MAGI1: variants seen among roughly 807,000 people sequenced by gnomAD.
The protein encoded by MAGI1 is membrane-associated guanylate kinase, WW and PDZ domain-containing protein 1.
In MAGI1, 58 loss-of-function variants were observed where a neutral mutation model predicts 139.9. The observed-to-expected ratio is 0.41, with a 90% confidence interval of 0.34 to 0.52. The LOEUF (loss-of-function observed/expected upper bound fraction) is 0.52. MAGI1 is among the 20% of genes least tolerant of loss of function. MAGI1 has a pLI of 0.12. For synonymous variants in MAGI1, 812 were observed against 737.9 expected (o/e 1.10, Z -1.63); for missense variants, 1,874 against 1,901.6 (o/e 0.99, Z 0.27).
chr3:65,933,371 T>C (rs2062892218), intron 1 of MAGI1, among the ~76,000 whole-genome samples: 1 of 152,210 alleles, frequency 6.6e-6, no homozygotes, highest in African/African-American at 2.4e-5. Context: ...GCTTCTAAAA[T>C]GGTTCACTAA....
intron 1 of MAGI1, among the ~76,000 whole-genome samples, chr3:65,889,493 C>A (rs537471322): frequency 2.9e-4 from 44 of 152,250 alleles, no homozygotes; most frequent in African/African-American, 9.9e-4. Context: ...AATGACTATT[C>A]TTGAATACCA....
intron 1 of MAGI1, among the ~76,000 whole-genome samples, chr3:65,737,296 C>A (rs997823384): frequency 6.6e-6 from 1 of 152,230 alleles, no homozygotes; most frequent in Non-Finnish European, 1.5e-5. Flanking sequence ...TAAGCCACTG[C>A]GCCCAGCGCA....
At chr3:65,902,993 T>C (rs1034909784) in intron 1 of MAGI1, among the ~76,000 whole-genome samples, 9 of 152,144 alleles carry the variant, frequency 5.9e-5, no homozygotes, top group African/African-American at 2.2e-4. Context: ...AAAGTCTTTT[T>C]TGGGGGGAGT....
At chr3:65,492,240 A>G (rs762355567) in intron 3 of MAGI1, among the ~76,000 whole-genome samples, 31 of 152,224 alleles carry the variant, frequency 2.0e-4, no homozygotes, top group Non-Finnish European at 3.5e-4. Flanking sequence ...TCAAATAATA[A>G]TAACACTCCA....
chr3:65,990,867 G>A (rs980028920), intron 1 of MAGI1, among the ~76,000 whole-genome samples: 5 of 152,056 alleles, frequency 3.3e-5, no homozygotes, highest in East Asian at 1.9e-4. Context: ...CATGCCTGTC[G>A]TCCTAGATAC....
At chr3:65,853,094 G>A (rs577945991) in intron 1 of MAGI1, among the ~76,000 whole-genome samples, 37 of 152,008 alleles carry the variant, frequency 2.4e-4, no homozygotes, top group East Asian at 1.4e-3. Flanking sequence ...GGTTCCCTCC[G>A]GGAACCAAGT....
At chr3:65,549,301 C>T in intron 2 of MAGI1, 1 of 491,254 alleles carries the variant, frequency 2.0e-6, no homozygotes, top group Non-Finnish European at 2.6e-6. Flanking sequence ...CTCCCTCTTT[C>T]CGTCTTCCCT....
chr3:65,493,434 C>T, intron 3 of MAGI1, 78 bp downstream of exon 3: 1 of 1,580,336 alleles, frequency 6.3e-7, no homozygotes, highest in Non-Finnish European at 8.6e-7. Flanking sequence ...TTCCACAAAA[C>T]ATTTTTGCCT....
At chr3:65,630,290 G>C (rs549359014) in intron 1 of MAGI1, among the ~76,000 whole-genome samples, 16 of 152,272 alleles carry the variant, frequency 1.1e-4, no homozygotes, top group African/African-American at 3.8e-4. Flanking sequence ...CCTCCAGGCA[G>C]AGACAATTGT....
chr3:65,421,959 C>G (rs1339678623), intron 12 of MAGI1, among the ~76,000 whole-genome samples: 1 of 152,114 alleles, frequency 6.6e-6, no homozygotes, highest in Non-Finnish European at 1.5e-5. Flanking sequence ...AAAAATAAAT[C>G]CATTAACTAT....
chr3:65,942,648 A>G (rs780638003), intron 1 of MAGI1, among the ~76,000 whole-genome samples: 23 of 152,208 alleles, frequency 1.5e-4, no homozygotes, highest in Non-Finnish European at 2.8e-4. Context: ...CACTTTCCTC[A>G]TCCATAAAGG....
chr3:65,823,632 T>G (rs2042063172), intron 1 of MAGI1, among the ~76,000 whole-genome samples: 1 of 152,236 alleles, frequency 6.6e-6, no homozygotes, highest in Non-Finnish European at 1.5e-5. Flanking sequence ...CACCTCCAGG[T>G]GGCTTCTCCT....
chr3:65,638,577 T>TGCTG (rs2084782097), intron 1 of MAGI1, among the ~76,000 whole-genome samples: 1 of 136,274 alleles, frequency 7.3e-6, no homozygotes. Context: ...ACTACAGGAG[T>TGCTG]GCGCCACCAT....
intron 21 of MAGI1, among the ~76,000 whole-genome samples, chr3:65,362,565 T>G (rs928645211): frequency 1.3e-5 from 2 of 152,188 alleles, no homozygotes; most frequent in Admixed American, 6.5e-5. Flanking sequence ...TAAAACACAT[T>G]CAATGCTCTA....
chr3:65,429,402 G>T, intron 12 of MAGI1, 118 bp downstream of exon 12: 1 of 1,069,688 alleles, frequency 9.3e-7, no homozygotes, highest in South Asian at 1.6e-5. Context: ...AAATCAGTAG[G>T]CATTTTGAAA....
chr3:65,719,291 G>C (rs1374833876), intron 1 of MAGI1, among the ~76,000 whole-genome samples: 2 of 151,418 alleles, frequency 1.3e-5, no homozygotes, highest in Non-Finnish European at 2.9e-5. Flanking sequence ...ATATATGTGT[G>C]TGTGTGTGTG....
intron 1 of MAGI1, among the ~76,000 whole-genome samples, chr3:65,904,050 A>C (rs912997782): frequency 6.6e-6 from 1 of 152,148 alleles, no homozygotes; most frequent in African/African-American, 2.4e-5. Context: ...AATTTCCTCA[A>C]AACCATGTAA....
chr3:65,512,764 C>T (rs1345436540), intron 2 of MAGI1, among the ~76,000 whole-genome samples: 22 of 147,540 alleles, frequency 1.5e-4, no homozygotes, highest in Non-Finnish European at 3.2e-4. Context: ...TGAAACTATT[C>T]CAATCAATAG....
intron 1 of MAGI1, among the ~76,000 whole-genome samples, chr3:65,797,962 G>T (rs560217786): frequency 6.6e-6 from 1 of 152,202 alleles, no homozygotes. Flanking sequence ...CCCTTGAAAG[G>T]AATATAGTTT....
Sources: gnomAD v4.1 joint callset for allele counts (sites outside exome capture counted in the v4.1 genomes callset) on GRCh38, gnomAD v4.1.1 for gene constraint, MANE v1.5 for transcripts, NCBI Gene and HGNC (gene_info 2026-07-23, HGNC 2026-07-21) for gene names.